PRKN: variants seen among roughly 807,000 people sequenced by gnomAD.
PRKN encodes E3 ubiquitin-protein ligase parkin.
A neutral mutation model predicts 59.5 loss-of-function variants in PRKN; 56 were observed. The observed-to-expected ratio is 0.94, with a 90% CI of 0.76 to 1.18. The LOEUF (loss-of-function observed/expected upper bound fraction) is 1.18. PRKN is among the 50% of genes most tolerant of loss of function. PRKN has a pLI of 0.00. For missense variants in PRKN, 657 were observed against 596.4 expected (o/e 1.10, Z -1.06); for synonymous variants, 250 against 222.1 (o/e 1.13, Z -1.12).
chr6:161,988,536 T>C (rs1370585269), intron 5 of PRKN, among the ~76,000 whole-genome samples: 3 of 151,644 alleles, frequency 2.0e-5, no homozygotes, highest in Admixed American at 2.0e-4. Flanking sequence ...AGAAAAATTT[T>C]CAGGAAACAT....
At position 161,364,539 on chromosome 6, in the gene PRKN, C is replaced by G. The variant is rs550698765; in HGVS notation, c.1168-4334G>C. On this transcript the variant is annotated intron_variant, in intron 10 of 11. Coordinates refer to ENST00000366898, the MANE Select transcript of PRKN (RefSeq NM_004562.3). ...GGAAAAGTCCAGAAGGAGCCAGGAG[C>G]TGCAAGAAGAAACTGTGAGAAAAGA... 5.4e-4 allele frequency among the ~76,000 whole-genome samples: 79 copies of G among 147,274 alleles called. 1 individual carries two copies. The highest frequency in any genetic ancestry group is 1.8e-3 in the African/African-American group (72 of 39,750).
At chr6:161,513,948 G>A (rs764416381) in intron 9 of PRKN, among the ~76,000 whole-genome samples, 6 of 152,064 alleles carry the variant, frequency 3.9e-5, no homozygotes, top group African/African-American at 7.2e-5. Context: ...GACAACCAAC[G>A]TGCCAGCATT....
intron 1 of PRKN, among the ~76,000 whole-genome samples, chr6:162,488,620 T>G (rs1792664115): frequency 6.6e-6 from 1 of 152,178 alleles, no homozygotes; most frequent in African/African-American, 2.4e-5. Flanking sequence ...TCACTCTGGA[T>G]GGGTGACCGT....
chr6:161,979,937 G>T (rs1275795742), intron 5 of PRKN, among the ~76,000 whole-genome samples: 1 of 152,146 alleles, frequency 6.6e-6, no homozygotes, highest in Non-Finnish European at 1.5e-5. Flanking sequence ...AAATAGCCCA[G>T]CAAAATCTGA....
chr6:161,729,164 G>A (rs1787572881), intron 7 of PRKN, among the ~76,000 whole-genome samples: 1 of 152,180 alleles, frequency 6.6e-6, no homozygotes, highest in Non-Finnish European at 1.5e-5. Context: ...CTGAGAATGT[G>A]TATCACTGCT....
At chr6:161,841,525 T>G (rs1472079977) in intron 6 of PRKN, among the ~76,000 whole-genome samples, 2 of 152,084 alleles carry the variant, frequency 1.3e-5, no homozygotes, top group African/African-American at 4.8e-5. Context: ...AATTTTTGTA[T>G]TTTTATTAGA....
intron 1 of PRKN, among the ~76,000 whole-genome samples, chr6:162,679,727 C>T (rs547277146): frequency 3.1e-4 from 47 of 152,170 alleles, no homozygotes; most frequent in African/African-American, 1.1e-3. Flanking sequence ...GATAATAACC[C>T]CTTCTCAAAA....
intron 6 of PRKN, among the ~76,000 whole-genome samples, chr6:161,880,583 G>A (rs1794897099): frequency 1.3e-5 from 2 of 152,280 alleles, no homozygotes; most frequent in South Asian, 4.1e-4. Flanking sequence ...CCCTGCCTGG[G>A]GAGGAGCACC....
At chr6:161,680,502 G>A (rs1225661404) in intron 7 of PRKN, among the ~76,000 whole-genome samples, 1 of 151,900 alleles carries the variant, frequency 6.6e-6, no homozygotes, top group African/African-American at 2.4e-5. Context: ...ATGGAATAAG[G>A]TAACATTTTG....
At position 161,357,983 on chromosome 6, in the gene PRKN, C is replaced by T. The variant is rs927221657; in HGVS notation, c.1285+2105G>A. On this transcript the variant is annotated intron_variant, in intron 11 of 11. Coordinates refer to ENST00000366898, the MANE Select transcript of PRKN (RefSeq NM_004562.3). This position sits in a 1 kb window ranked among gnomAD's most constrained non-coding sequence, Gnocchi z 5.5. ...CCTAACTCCTGCAACACTGCAGTGCCGGGCTGTGTGAAGCTTTACCACCGA... is the reference window on the plus strand; with the variant it reads ...CCTAACTCCTGCAACACTGCAGTGCTGGGCTGTGTGAAGCTTTACCACCGA... Among the ~76,000 whole-genome samples the T allele has an allele frequency of 2.0e-5, 3 of 152,182 alleles. No individual in the cohort carries two copies. The highest frequency in any genetic ancestry group is 2.1e-4 in the South Asian group (1 of 4,828).
At chr6:161,877,412 T>G (rs1239581079) in intron 6 of PRKN, among the ~76,000 whole-genome samples, 1 of 152,172 alleles carries the variant, frequency 6.6e-6, no homozygotes, top group Non-Finnish European at 1.5e-5. Context: ...ATCATGACTA[T>G]TTTAAGCAAG....
At chr6:162,444,061 G>A (rs145664595) in intron 1 of PRKN, among the ~76,000 whole-genome samples, 1 of 152,208 alleles carries the variant, frequency 6.6e-6, no homozygotes, top group East Asian at 1.9e-4. Flanking sequence ...GGAGACACTA[G>A]TGACACCATT....
intron 1 of PRKN, among the ~76,000 whole-genome samples, chr6:162,630,895 A>G (rs1405039965): frequency 6.6e-6 from 1 of 152,232 alleles, no homozygotes; most frequent in Admixed American, 6.5e-5. Flanking sequence ...ACAGGAAGCA[A>G]AATGAGTCTG....
At chr6:161,469,591 A>AAGAGAG (rs1158023358) in intron 9 of PRKN, among the ~76,000 whole-genome samples, 1 of 149,972 alleles carries the variant, frequency 6.7e-6, no homozygotes, top group East Asian at 2.0e-4. Flanking sequence ...GAGAAAGAGA[A>AAGAGAG]AGAGAGAGAG....
intron 3 of PRKN, among the ~76,000 whole-genome samples, chr6:162,261,295 G>A (rs1779876650): frequency 1.3e-5 from 2 of 152,080 alleles, no homozygotes; most frequent in African/African-American, 2.4e-5. Flanking sequence ...AGCTTTTCCT[G>A]TGTCTACTGT....
intron 5 of PRKN, among the ~76,000 whole-genome samples, chr6:161,989,025 G>C (rs113568968): frequency 2.0e-5 from 3 of 152,194 alleles, no homozygotes; most frequent in South Asian, 2.1e-4. Flanking sequence ...TGCCATGTTG[G>C]TGTGCTGCAC....
chr6:162,690,410 G>C (rs537191492), intron 1 of PRKN, among the ~76,000 whole-genome samples: 80 of 152,240 alleles, frequency 5.3e-4, no homozygotes, highest in African/African-American at 1.8e-3. Flanking sequence ...TTTACTGCTC[G>C]CTTCCTCTTA....
At chr6:162,026,651 C>T (rs1052000908) in intron 5 of PRKN, among the ~76,000 whole-genome samples, 2 of 152,132 alleles carry the variant, frequency 1.3e-5, no homozygotes, top group African/African-American at 4.8e-5. Context: ...TTAATATGTA[C>T]TTATCTGCTT....
rs1781540865 is a variant in PRKN, at chr6:162,293,753, C to G, written c.172-30988G>C. ...GGGCTGTGGGAAAGACTGGGGTTCC[C>G]CAAGGACCAGATGTGGGCAGGTGGA... On this transcript the variant is annotated intron_variant, in intron 2 of 11. Coordinates refer to ENST00000366898, the MANE Select transcript of PRKN (RefSeq NM_004562.3). 2.0e-5 allele frequency among the ~76,000 whole-genome samples: 3 copies of G among 152,212 alleles called. No individual in the cohort carries two copies. The South Asian group carries it at 6.2e-4, about 32-fold the overall frequency.
Sources: allele counts gnomAD v4.1 joint callset (sites outside exome capture counted in the v4.1 genomes callset), GRCh38; gene constraint gnomAD v4.1.1; non-coding constraint Gnocchi (gnomAD v3.1); transcripts MANE v1.5; gene names NCBI Gene and HGNC (gene_info 2026-07-23, HGNC 2026-07-21).